REV3L: variants seen among roughly 807,000 people sequenced by gnomAD.
REV3L encodes DNA polymerase zeta catalytic subunit.
A neutral mutation model predicts 299.4 loss-of-function variants in REV3L; 69 were observed. That is an observed-to-expected ratio of 0.23 (90% CI 0.19 to 0.28). The LOEUF (loss-of-function observed/expected upper bound fraction) is 0.28, where lower values mean the gene tolerates loss of function less well. Ranked by LOEUF, REV3L falls within the 10% of genes least tolerant of loss-of-function variation. REV3L has a pLI of 1.00. For synonymous variants in REV3L, 1,238 were observed against 1,271.4 expected, an observed-to-expected ratio of 0.97 and a Z score of 0.56; for missense variants, 3,128 against 3,693.8, an observed-to-expected ratio of 0.85 and a Z score of 3.97.
chr6:111,393,855 C>T (rs1782198533), intron 4 of REV3L, among the ~76,000 whole-genome samples: 1 of 151,968 alleles, frequency 6.6e-6, no homozygotes, highest in African/African-American at 2.4e-5. Flanking sequence ...TTTTAGTTCC[C>T]ACATCAGTAA....
intron 31 of REV3L, among the ~76,000 whole-genome samples, chr6:111,301,531 G>A (rs1208451165): frequency 6.6e-6 from 1 of 151,770 alleles, no homozygotes; most frequent in African/African-American, 2.4e-5. Flanking sequence ...CAAATAATGT[G>A]AATTTGAAAG....
At chr6:111,425,792 AAGGAG>A (rs1786104312) in intron 1 of REV3L, among the ~76,000 whole-genome samples, 1 of 152,138 alleles carries the variant, frequency 6.6e-6, no homozygotes, top group South Asian at 2.1e-4. Flanking sequence ...AAGAGAGTTA[AAGGAG>A]AGTATGAGAC....
intron 1 of REV3L, among the ~76,000 whole-genome samples, chr6:111,420,148 T>C (rs1562282546): frequency 1.3e-5 from 2 of 152,154 alleles, no homozygotes; most frequent in African/African-American, 4.8e-5. Context: ...CCCGGCCATT[T>C]TGGATTCTTA....
chr6:111,375,946 A>G lies in REV3L; in HGVS notation c.2409T>C (p.Val803=), dbSNP rs1183859616. The change falls in exon 13 of 32, where the codon GTT becomes GTC. Residue 803 remains valine (V), a synonymous_variant. Coordinates refer to ENST00000368802, the MANE Select transcript of REV3L (RefSeq NM_001372078.1). ...GTGGTCTAGTAAGACAGTTAGAAAG[A>G]ACAACACTGGGAAAAAACATATAGT... is the stretch of plus-strand genomic sequence containing the variant. ...AAHYMFFPSV[V]LSNCLTRPQK... 1.2e-6 allele frequency: 2 copies of G among 1,613,974 alleles called. No homozygotes were observed. The highest frequency in any genetic ancestry group is 1.7e-6 in the Non-Finnish European group (2 of 1,179,924).
rs568322095 is a variant in REV3L, at chr6:111,341,702, G to C, written c.7538+2223C>G. On this transcript the variant is annotated intron_variant, in intron 21 of 31. Coordinates refer to ENST00000368802, the MANE Select transcript of REV3L (RefSeq NM_001372078.1). ...AGTTCATTTAGGCAGCTCACAGCTCGAGTCTGTGGGACGGAGCACAGGAGA... is the reference window on the plus strand; with the variant it reads ...AGTTCATTTAGGCAGCTCACAGCTCCAGTCTGTGGGACGGAGCACAGGAGA... Among the ~76,000 whole-genome samples the C allele has an allele frequency of 2.3e-3, 356 of 152,200 alleles. 2 individuals are homozygous for C. The highest frequency in any genetic ancestry group is 8.4e-3 in the African/African-American group (349 of 41,524).
intron 9 of REV3L, among the ~76,000 whole-genome samples, chr6:111,385,628 T>C (rs1365357440): frequency 1.3e-5 from 2 of 152,156 alleles, no homozygotes; most frequent in Non-Finnish European, 2.9e-5. Context: ...ATAACTTTTT[T>C]TTTTAAATGG....
intron 9 of REV3L, among the ~76,000 whole-genome samples, chr6:111,381,665 T>C (rs1380716389): frequency 6.6e-6 from 1 of 152,184 alleles, no homozygotes; most frequent in Non-Finnish European, 1.5e-5. Context: ...AATCACCAAA[T>C]ATTTATAACC....
chr6:111,375,337 T>C lies in REV3L; in HGVS notation c.3018A>G (p.Leu1006=), dbSNP rs767320584. ...KIDSKEKQVI[L]TEEKMELYKK... Reference sequence around the variant, plus strand: ...TATATAGTTCCATTTTTTCTTCTGTTAATATTACTTGTTTTTCTTTAGAGT... The same window carrying C: ...TATATAGTTCCATTTTTTCTTCTGTCAATATTACTTGTTTTTCTTTAGAGT... The change falls in exon 13 of 32, where the codon TTA becomes TTG. Residue 1006 remains leucine (L), a synonymous_variant. Transcript: ENST00000368802. The C allele has an allele frequency of 2.3e-5, 36 of 1,582,918 alleles. No individual in the cohort carries two copies. The highest frequency in any genetic ancestry group is 1.2e-4 in the Admixed American group (6 of 51,220).
At chr6:111,393,432 A>G (rs1050907100) in intron 4 of REV3L, among the ~76,000 whole-genome samples, 1 of 152,212 alleles carries the variant, frequency 6.6e-6, no homozygotes, top group Non-Finnish European at 1.5e-5. Flanking sequence ...CATGCATACA[A>G]TCTGTAATGA....
chr6:111,467,940 T>C (rs1791707038), intron 1 of REV3L, among the ~76,000 whole-genome samples: 1 of 152,002 alleles, frequency 6.6e-6, no homozygotes, highest in Admixed American at 6.5e-5. Flanking sequence ...CACAATGAAA[T>C]TAACGAGACT....
intron 1 of REV3L, among the ~76,000 whole-genome samples, chr6:111,468,426 CAGTA>C (rs1256108436): frequency 6.6e-6 from 1 of 152,034 alleles, no homozygotes. Flanking sequence ...TCTTTGGAAT[CAGTA>C]AGGAAAAGAC....
chr6:111,478,841 G>A (rs1793264142), intron 1 of REV3L, among the ~76,000 whole-genome samples: 1 of 152,198 alleles, frequency 6.6e-6, no homozygotes, highest in Admixed American at 6.5e-5. Context: ...GGAAGTGGCA[G>A]AGTTCCTTAG....
At position 111,376,204 on chromosome 6, in the gene REV3L, A is replaced by G; in HGVS notation, c.2151T>C (p.Asn717=). ...FNFSDLNHSK[N]KVSSEGNEKG... is the part of the protein sequence containing the mutation. ...TTTCATTTCCTTCAGAGGATACTTT[A>G]TTTTTTGAATGATTTAAGTCAGAAA... The change falls in exon 13 of 32, where the codon AAT becomes AAC. Residue 717 remains asparagine, a synonymous_variant. Transcript: ENST00000368802. 1.2e-6 allele frequency: 2 copies of G among 1,613,116 alleles called. No individual in the cohort carries two copies. The highest frequency in any genetic ancestry group is 1.7e-6 in the Non-Finnish European group (2 of 1,179,834).
At chr6:111,440,948 C>T (rs896432374) in intron 1 of REV3L, among the ~76,000 whole-genome samples, 2 of 152,200 alleles carry the variant, frequency 1.3e-5, no homozygotes, top group Admixed American at 1.3e-4. Context: ...TGTTTGTGAA[C>T]AGAAGTCCGA....
intron 31 of REV3L, among the ~76,000 whole-genome samples, chr6:111,306,044 T>C (rs1562479865): frequency 6.6e-6 from 1 of 152,256 alleles, no homozygotes; most frequent in Non-Finnish European, 1.5e-5. Flanking sequence ...ACCAGCCCCA[T>C]GGGCTTGGCT....
At chr6:111,403,574 C>T (rs148363348) in intron 4 of REV3L, among the ~76,000 whole-genome samples, 6 of 152,178 alleles carry the variant, frequency 3.9e-5, no homozygotes, top group African/African-American at 1.4e-4. Context: ...CACAATAAAC[C>T]GTGCCCATAA....
intron 1 of REV3L, among the ~76,000 whole-genome samples, chr6:111,458,436 A>C (rs1403445425): frequency 6.6e-6 from 1 of 152,184 alleles, no homozygotes; most frequent in African/African-American, 2.4e-5. Flanking sequence ...TAGCTAGAGT[A>C]ATCAGGCAAG....
chr6:111,336,821 C>T (rs1004354051), intron 21 of REV3L, among the ~76,000 whole-genome samples: 7 of 152,082 alleles, frequency 4.6e-5, no homozygotes, highest in African/African-American at 1.2e-4. Flanking sequence ...TATATCCATA[C>T]GATACAGTAT....
intron 1 of REV3L, among the ~76,000 whole-genome samples, chr6:111,458,387 C>T (rs1306510846): frequency 6.6e-6 from 1 of 152,148 alleles, no homozygotes; most frequent in Non-Finnish European, 1.5e-5. Flanking sequence ...CAATGATGCT[C>T]ACTTTCACCA....
Sources: allele counts gnomAD v4.1 joint callset (sites outside exome capture counted in the v4.1 genomes callset), GRCh38; gene constraint gnomAD v4.1.1; transcripts MANE v1.5; gene names NCBI Gene and HGNC (gene_info 2026-07-23, HGNC 2026-07-21).